Variants in ESRRB observed in about 807,000 individuals in gnomAD.
ESRRB encodes steroid hormone receptor ERR2.
ESRRB carries 16 observed loss-of-function variants against 46.0 expected under a neutral mutation model. The ratio of observed to expected loss-of-function variants is 0.35; its 90% CI spans 0.24 to 0.53. ESRRB has a LOEUF of 0.53. ESRRB is among the 20% of genes least tolerant of loss of function. The pLI is 0.93. For missense variants in ESRRB, 488 were observed against 607.4 expected, an observed-to-expected ratio of 0.80 and a Z score of 2.07; for synonymous variants, 246 against 259.6, an observed-to-expected ratio of 0.95 and a Z score of 0.50.
chr14:76,334,305 G>A (rs891675134), intron 1 of ESRRB, among the ~76,000 whole-genome samples: 6 of 152,072 alleles, frequency 3.9e-5, no homozygotes, highest in African/African-American at 7.2e-5. Context: ...CGCAGAGCTC[G>A]AGAATATACT....
chr14:76,458,656 T>G (rs1316955866), intron 2 of ESRRB, among the ~76,000 whole-genome samples: 5 of 152,092 alleles, frequency 3.3e-5, no homozygotes, highest in Non-Finnish European at 7.4e-5. Context: ...ACAGGTTGGC[T>G]GAGCAGCTGA....
chr14:76,319,168 T>C (rs1883838387), intron 1 of ESRRB, among the ~76,000 whole-genome samples: 1 of 152,248 alleles, frequency 6.6e-6, no homozygotes, highest in Non-Finnish European at 1.5e-5. Context: ...TTTGCTGTCC[T>C]AAGCATTCAG....
At chr14:76,377,369 C>T (rs1468998996) in intron 1 of ESRRB, among the ~76,000 whole-genome samples, 3 of 152,162 alleles carry the variant, frequency 2.0e-5, no homozygotes, top group Admixed American at 6.5e-5. Context: ...CGGTTTCCCT[C>T]CCGACACCCT....
rs561737317 is a variant in ESRRB, at chr14:76,389,889, C to T, written c.50+13438C>T. 7.2e-5 allele frequency among the ~76,000 whole-genome samples: 11 copies of T among 152,310 alleles called. No individual in the cohort carries two copies. In the South Asian group the frequency reaches 1.9e-3, roughly 26 times the overall value. On this transcript the variant is annotated intron_variant, in intron 1 of 6. Coordinates refer to ENST00000644823, the MANE Select transcript of ESRRB (RefSeq NM_001379180.1). Reference sequence around the variant, plus strand: ...ACTTTACGTTCTTGCCATCAATTTACACCTAATGTATGGTGGAAAAACCAT... The same window carrying T: ...ACTTTACGTTCTTGCCATCAATTTATACCTAATGTATGGTGGAAAAACCAT...
intron 1 of ESRRB, among the ~76,000 whole-genome samples, chr14:76,339,269 G>A (rs146016502): frequency 4.2e-4 from 64 of 152,272 alleles, no homozygotes; most frequent in African/African-American, 1.4e-3. Flanking sequence ...CCACGCTTAC[G>A]GTTCTGTGAC....
chr14:76,472,792 A>G (rs1889423749), intron 3 of ESRRB, among the ~76,000 whole-genome samples: 1 of 152,236 alleles, frequency 6.6e-6, no homozygotes, highest in Admixed American at 6.5e-5. Flanking sequence ...GAGATGGGTC[A>G]GCTATAGTTT....
At chr14:76,465,188 C>A (rs1478760431) in intron 3 of ESRRB, among the ~76,000 whole-genome samples, 4 of 152,136 alleles carry the variant, frequency 2.6e-5, no homozygotes, top group African/African-American at 7.2e-5. Context: ...TGACTCCTAC[C>A]CTCAGTCACA....
chr14:76,461,373 C>T (rs988466443), intron 2 of ESRRB, among the ~76,000 whole-genome samples: 5 of 152,190 alleles, frequency 3.3e-5, no homozygotes, highest in East Asian at 1.9e-4. Context: ...CTCTATATTG[C>T]GGGGGCTGTG....
chr14:76,452,642 AC>A (rs1888439194), intron 2 of ESRRB, among the ~76,000 whole-genome samples: 4 of 112,924 alleles, frequency 3.5e-5, no homozygotes, highest in Admixed American at 8.8e-5. Context: ...CAAAACAAAA[AC>A]AAAACAAAAC....
chr14:76,463,293 C>T (rs996776451), intron 3 of ESRRB: 1 of 160,772 alleles, frequency 6.2e-6, no homozygotes, highest in Non-Finnish European at 1.4e-5. Flanking sequence ...GAGTGTACAA[C>T]ACATGCCTGC....
intron 1 of ESRRB, among the ~76,000 whole-genome samples, chr14:76,422,555 A>G (rs1887014741): frequency 6.6e-6 from 1 of 152,104 alleles, no homozygotes; most frequent in Non-Finnish European, 1.5e-5. Context: ...ATGACTGAGA[A>G]CTATGTGGGT....
intron 1 of ESRRB, among the ~76,000 whole-genome samples, chr14:76,354,214 T>G (rs1229410705): frequency 1.1e-4 from 8 of 69,818 alleles, no homozygotes; most frequent in African/African-American, 3.5e-4. Flanking sequence ...GCCCCCAGGG[T>G]CCTCTACCCG....
At chr14:76,366,511 A>G (rs554794908), upstream of ESRRB, among the ~76,000 whole-genome samples, 243 of 152,312 alleles carry the variant, frequency 1.6e-3, 3 homozygotes, top group East Asian at 1.7e-3. Flanking sequence ...TGTGTGATAT[A>G]ATAGACTCTT....
At chr14:76,320,206 T>C (rs1250206668) in intron 1 of ESRRB, among the ~76,000 whole-genome samples, 1 of 152,192 alleles carries the variant, frequency 6.6e-6, no homozygotes, top group African/African-American at 2.4e-5. Context: ...AATATTACTT[T>C]GAAATATGAC....
At chr14:76,423,755 C>T (rs1341959750) in intron 1 of ESRRB, among the ~76,000 whole-genome samples, 1 of 152,172 alleles carries the variant, frequency 6.6e-6, no homozygotes, top group Non-Finnish European at 1.5e-5. Context: ...CTATTCTAGA[C>T]ACTGGAGTAG....
At chr14:76,316,145 C>A (rs1883797033) in intron 1 of ESRRB, among the ~76,000 whole-genome samples, 1 of 152,206 alleles carries the variant, frequency 6.6e-6, no homozygotes, top group African/African-American at 2.4e-5. Context: ...TCCCTCTTGA[C>A]ACGATCACTT....
intron 1 of ESRRB, among the ~76,000 whole-genome samples, chr14:76,431,436 T>C (rs1451154632): frequency 6.6e-6 from 1 of 152,206 alleles, no homozygotes; most frequent in Non-Finnish European, 1.5e-5. Context: ...GCTCTCTGCA[T>C]TAGGAAAATC....
chr14:76,399,420 C>T (rs1051964355), intron 1 of ESRRB, among the ~76,000 whole-genome samples: 17 of 152,096 alleles, frequency 1.1e-4, no homozygotes, highest in African/African-American at 4.1e-4. Flanking sequence ...ACAGCCAACA[C>T]AGGTTGGATG....
rs372284281 is a variant in ESRRB, at chr14:76,425,120, G to C, written c.51-14221G>C. Among the ~76,000 whole-genome samples the C allele has an allele frequency of 2.9e-4, 44 of 152,210 alleles. No individual in the cohort carries two copies. The South Asian group carries it at 9.1e-3, about 32-fold the overall frequency. ...CAGAAGTGCAGGGGATGTTGACCCT[G>C]GTGAGGAGAGGGGAGGATCCACAGG... On this transcript the variant is annotated intron_variant, in intron 1 of 6. Transcript: ENST00000644823.
Sources: gnomAD v4.1 joint callset for allele counts (sites outside exome capture counted in the v4.1 genomes callset) on GRCh38, gnomAD v4.1.1 for gene constraint, MANE v1.5 for transcripts, NCBI Gene and HGNC (gene_info 2026-07-23, HGNC 2026-07-21) for gene names.